RHOJ: variants seen among roughly 807,000 people sequenced by gnomAD.
The protein encoded by RHOJ is rho-related GTP-binding protein RhoJ.
In RHOJ, 11 loss-of-function variants were observed where a neutral mutation model predicts 23.4. The ratio of observed to expected loss-of-function variants is 0.47; its 90% confidence interval spans 0.30 to 0.78. RHOJ has a LOEUF of 0.78. RHOJ is among the 30% of genes least tolerant of loss of function. The pLI, the probability that RHOJ is intolerant of heterozygous loss-of-function variation, is 0.08. For synonymous variants in RHOJ, 102 were observed against 102.7 expected, an observed-to-expected ratio of 0.99 and a Z score of 0.04; for missense variants, 254 against 273.4, an observed-to-expected ratio of 0.93 and a Z score of 0.50.
intron 1 of RHOJ, among the ~76,000 whole-genome samples, chr14:63,207,881 G>T (rs138181369): frequency 6.6e-6 from 1 of 152,198 alleles, no homozygotes; most frequent in African/African-American, 2.4e-5. Flanking sequence ...TGCCTCATGT[G>T]TGATAAGAGT....
rs866704174 is a variant in RHOJ, at chr14:63,285,699, C to G, written c.498+2483C>G. On this transcript the variant is annotated intron_variant, in intron 4 of 4. Transcript: ENST00000316754. ...ACTGTAGTTTTTAATCCTCAGCCTA[C>G]TTTTCCCATTCTTTTACACATTTGT... is the stretch of plus-strand genomic sequence containing the variant. 7.2e-5 allele frequency among the ~76,000 whole-genome samples: 11 copies of G among 152,254 alleles called. No individual in the cohort carries two copies. In the South Asian group the frequency reaches 2.3e-3, roughly 32 times the overall value.
rs1320745853 is a variant in RHOJ at position 63,281,129 on chromosome 14, G to A, written c.396G>A (p.Gly132=). 4 of 1,608,008 alleles carry A rather than the reference G, an allele frequency of 2.5e-6. No individual in the cohort carries two copies. Among genetic ancestry groups the A allele is most frequent in the Non-Finnish European group, 3.4e-6 (4 of 1,177,786 alleles). ...CMPHVPYVLI[G]TQIDLRDDPK... is the part of the protein sequence containing the mutation. ...CTCACGTGCCTTATGTCCTCATAGG[G>A]ACCCAGGTTAAAATGTGGGCGATGG... The change falls in exon 3 of 5, where the codon GGG becomes GGA. Residue 132 remains glycine, a synonymous_variant. Coordinates refer to ENST00000316754, the MANE Select transcript of RHOJ (RefSeq NM_020663.5).
At chr14:63,244,279 T>A (rs1415920067) in intron 1 of RHOJ, among the ~76,000 whole-genome samples, 1 of 151,922 alleles carries the variant, frequency 6.6e-6, no homozygotes, top group African/African-American at 2.4e-5. Context: ...AAAAAGGTAA[T>A]GTTCTGGCCG....
chr14:63,230,841 C>CTTTTTTT lies in RHOJ; in HGVS notation c.178+25806_178+25812dup, dbSNP rs57848893. On this transcript the variant is annotated intron_variant, in intron 1 of 4. Transcript: ENST00000316754. The stretch of plus-strand genomic sequence containing the variant: ...AATGGAAGTTTACAAGGGTACAAGG[C>CTTTTTTT]TTTTTTTTTTTTTTTTTTAGATGGA... 5.3e-3 allele frequency among the ~76,000 whole-genome samples: 508 copies of CTTTTTTT among 95,252 alleles called. 97 individuals are homozygous for CTTTTTTT. Among genetic ancestry groups the CTTTTTTT allele is most frequent in the African/African-American group, 0.019 (370 of 19,814 alleles). The allele number at this position is 95,252 out of a possible 152,430, so 62.5% of individuals were successfully genotyped here. A position where few individuals can be genotyped will look rare whatever the true frequency, so the allele number is the denominator to read the frequency against.
At position 63,204,891 on chromosome 14, in the gene RHOJ, G is replaced by C. The variant is rs1415208742; in HGVS notation, c.22G>C (p.Asp8His). Residue 8 changes from aspartate to histidine, a missense_variant, in exon 1 of 5, where the codon GAC (aspartate) becomes CAC (histidine). Asp to His is a moderately conservative substitution (Grantham distance 81, BLOSUM62 -1). Transcript: ENST00000316754. The stretch of plus-strand genomic sequence containing the variant: ...AAGAATGAACTGCAAAGAGGGAACT[G>C]ACAGCAGCTGCGGCTGCAGGGGCAA... MNCKEGT[D>H]SSCGCRGNDE... 26 of 1,613,762 alleles carry C rather than the reference G, an allele frequency of 1.6e-5. No homozygotes were observed. The highest frequency in any genetic ancestry group is 2.1e-5 in the Non-Finnish European group (25 of 1,179,896).
chr14:63,288,212 G>A (rs1049576138), intron 4 of RHOJ: 1 of 985,296 alleles, frequency 1.0e-6, no homozygotes, highest in African/African-American at 1.7e-5. Flanking sequence ...GAAGAGACAA[G>A]CTTGGGCTCC....
intron 1 of RHOJ, among the ~76,000 whole-genome samples, chr14:63,208,731 C>T (rs1435982713): frequency 1.3e-5 from 2 of 152,186 alleles, no homozygotes; most frequent in African/African-American, 4.8e-5. Flanking sequence ...TCTTTATTTA[C>T]ACTTAGGGTA....
chr14:63,259,675 G>A (rs752009259), intron 1 of RHOJ, among the ~76,000 whole-genome samples: 8 of 152,028 alleles, frequency 5.3e-5, no homozygotes, highest in African/African-American at 1.7e-4. Context: ...CTGTTTTATC[G>A]CAAATTATCA....
At chr14:63,249,494 G>T (rs992458126) in intron 1 of RHOJ, among the ~76,000 whole-genome samples, 1 of 152,154 alleles carries the variant, frequency 6.6e-6, no homozygotes. Context: ...GAAGTTCAGG[G>T]TCTCAGATAA....
At chr14:63,267,474 C>G (rs1895389110) in intron 1 of RHOJ, among the ~76,000 whole-genome samples, 1 of 152,208 alleles carries the variant, frequency 6.6e-6, no homozygotes, top group African/African-American at 2.4e-5. Flanking sequence ...AACAGCTGCC[C>G]CTGACCTGCA....
At chr14:63,260,949 C>A (rs556435557) in intron 1 of RHOJ, among the ~76,000 whole-genome samples, 2 of 152,172 alleles carry the variant, frequency 1.3e-5, no homozygotes, top group South Asian at 4.2e-4. Context: ...GGATACACTG[C>A]AGAAATAAGA....
At chr14:63,271,260 T>C (rs56094405) in intron 2 of RHOJ, among the ~76,000 whole-genome samples, 12 of 152,312 alleles carry the variant, frequency 7.9e-5, no homozygotes, top group Non-Finnish European at 1.5e-4. Context: ...TCAGAATATA[T>C]CTTAAAGTTC....
chr14:63,227,956 T>C (rs1329921667), intron 1 of RHOJ, among the ~76,000 whole-genome samples: 1 of 152,172 alleles, frequency 6.6e-6, no homozygotes, highest in Non-Finnish European at 1.5e-5. Flanking sequence ...GTCACATCGG[T>C]ATAGGGTTTT....
intron 2 of RHOJ, among the ~76,000 whole-genome samples, chr14:63,280,546 A>G (rs140355419): frequency 2.0e-5 from 3 of 152,240 alleles, no homozygotes; most frequent in African/African-American, 7.2e-5. Flanking sequence ...CTCACCGTAA[A>G]ATATATTTTT....
chr14:63,257,481 CA>C (rs1255895246), intron 1 of RHOJ, among the ~76,000 whole-genome samples: 1 of 149,934 alleles, frequency 6.7e-6, no homozygotes, highest in Non-Finnish European at 1.5e-5. Context: ...GTTATCTGAG[CA>C]ACGAGGTCAG....
At chr14:63,256,366 T>C (rs911124094) in intron 1 of RHOJ, among the ~76,000 whole-genome samples, 8 of 152,214 alleles carry the variant, frequency 5.3e-5, no homozygotes, top group Non-Finnish European at 8.8e-5. Context: ...TGCTAGACAT[T>C]TGTCCTTTAA....
chr14:63,283,131 G>A lies in RHOJ; in HGVS notation c.413G>A (p.Arg138His), dbSNP rs753578867. 1.2e-5 allele frequency: 19 copies of A among 1,613,596 alleles called. No homozygotes were observed. Among genetic ancestry groups the A allele is most frequent in the Middle Eastern group, 1.6e-4 (1 of 6,080 alleles). Residue 138 changes from arginine to histidine, a missense_variant, in exon 4 of 5, where the codon CGT (arginine) becomes CAT (histidine). Coordinates refer to ENST00000316754, the MANE Select transcript of RHOJ (RefSeq NM_020663.5). ...GTGTTTTCTTGCCAGATTGATCTCC[G>A]TGATGACCCAAAAACCTTGGCCCGT... ...YVLIGTQIDL[R>H]DDPKTLARLL...
In RHOJ at chr14:63,284,158, T is replaced by G. The variant is rs946465320; in HGVS notation, c.498+942T>G. Reference sequence around the variant, plus strand: ...CCAGTCAAGAATATTAACTACAAATTCTTCACTTACAAAATTGTATGCATT... The same window carrying G: ...CCAGTCAAGAATATTAACTACAAATGCTTCACTTACAAAATTGTATGCATT... On this transcript the variant is annotated intron_variant, in intron 4 of 4. Coordinates refer to ENST00000316754, the MANE Select transcript of RHOJ (RefSeq NM_020663.5). The G allele has an allele frequency of 3.2e-5, 29 of 908,460 alleles. No individual in the cohort carries two copies. The East Asian group carries it at 7.1e-4, about 22-fold the overall frequency. The allele number at this position is 908,460 out of a possible 1,614,324, so 56.3% of individuals were successfully genotyped here. A position where few individuals can be genotyped will look rare whatever the true frequency, so the allele number is the denominator to read the frequency against.
At chr14:63,259,522 G>A (rs1428325673) in intron 1 of RHOJ, among the ~76,000 whole-genome samples, 1 of 152,180 alleles carries the variant, frequency 6.6e-6, no homozygotes, top group African/African-American at 2.4e-5. Context: ...TGCTTTGAAG[G>A]AAAACAATTA....
Sources: allele counts gnomAD v4.1 joint callset (sites outside exome capture counted in the v4.1 genomes callset), GRCh38; gene constraint gnomAD v4.1.1; transcripts MANE v1.5; gene names NCBI Gene and HGNC (gene_info 2026-07-23, HGNC 2026-07-21).